Variants in PIP4K2A observed in about 807,000 individuals in gnomAD.
PIP4K2A encodes phosphatidylinositol 5-phosphate 4-kinase type-2 alpha.
A neutral mutation model predicts 42.9 loss-of-function variants in PIP4K2A; 14 were observed. The ratio of observed to expected loss-of-function variants is 0.33; its 90% confidence interval spans 0.22 to 0.51. The LOEUF (loss-of-function observed/expected upper bound fraction) is 0.51, where lower values mean the gene tolerates loss of function less well. Among genes scored for constraint, PIP4K2A ranks in the 20% least tolerant of loss-of-function variants. The pLI, the probability that PIP4K2A is intolerant of heterozygous loss-of-function variation, is 0.97. For synonymous variants in PIP4K2A, 192 were observed against 192.2 expected, an observed-to-expected ratio of 1.00 and a Z score of 0.01; for missense variants, 434 against 519.8, an observed-to-expected ratio of 0.83 and a Z score of 1.61.
chr10:22,662,536 C>T (rs1839222583), intron 1 of PIP4K2A, among the ~76,000 whole-genome samples: 1 of 152,158 alleles, frequency 6.6e-6, no homozygotes, highest in Admixed American at 6.5e-5. Flanking sequence ...TACTTGCCTT[C>T]AGTGTTCAGC....
chr10:22,565,208 C>T (rs1235181509), intron 6 of PIP4K2A, among the ~76,000 whole-genome samples: 7 of 152,164 alleles, frequency 4.6e-5, no homozygotes, highest in Admixed American at 4.6e-4. Context: ...AGGGAGGATT[C>T]CCACACTCTT....
Position 22,714,362 on chromosome 10 carries a change from C to A in PIP4K2A, c.-36G>T. On this transcript the variant is annotated 5_prime_UTR_variant, in exon 1 of 10. Transcript: ENST00000376573. ...TATGTCCCCTCCACCGCCGTGCTCC[C>A]GAGGCCGGGGACCCGCCCTCTCTAC... 6.7e-7 allele frequency: 1 copy of A among 1,494,090 alleles called. No individual in the cohort carries two copies. The highest frequency in any genetic ancestry group is 9.0e-7 in the Non-Finnish European group (1 of 1,115,524). The allele number at this position is 1,494,090 out of a possible 1,614,324, so 92.6% of individuals were successfully genotyped here.
At chr10:22,566,713 T>C (rs1222740525) in intron 6 of PIP4K2A, among the ~76,000 whole-genome samples, 1 of 152,176 alleles carries the variant, frequency 6.6e-6, no homozygotes, top group African/African-American at 2.4e-5. Context: ...CCTGCCGCTC[T>C]TCCTCTGACT....
intron 1 of PIP4K2A, among the ~76,000 whole-genome samples, chr10:22,624,384 T>C (rs544881369): frequency 6.6e-6 from 1 of 152,310 alleles, no homozygotes; most frequent in East Asian, 1.9e-4. Context: ...GAAACACCAG[T>C]CAATATTTGA....
intron 1 of PIP4K2A, among the ~76,000 whole-genome samples, chr10:22,640,319 G>A (rs1838754706): frequency 6.6e-6 from 1 of 152,082 alleles, no homozygotes; most frequent in African/African-American, 2.4e-5. Context: ...GTAGCACAAG[G>A]TACTATTTTG....
intron 4 of PIP4K2A, among the ~76,000 whole-genome samples, chr10:22,582,927 A>T (rs1837312153): frequency 6.7e-6 from 1 of 149,254 alleles, no homozygotes; most frequent in Non-Finnish European, 1.5e-5. Context: ...GGATGACTAC[A>T]TTTAAGCAAA....
intron 6 of PIP4K2A, among the ~76,000 whole-genome samples, chr10:22,559,136 T>A (rs960709397): frequency 4.6e-5 from 7 of 152,206 alleles, no homozygotes; most frequent in Non-Finnish European, 1.0e-4. Context: ...TGTCAAAGGC[T>A]GAACACTCAA....
intron 4 of PIP4K2A, among the ~76,000 whole-genome samples, chr10:22,590,804 A>C (rs1033437977): frequency 6.6e-6 from 1 of 152,166 alleles, no homozygotes; most frequent in African/African-American, 2.4e-5. Flanking sequence ...CAGGAGGTTG[A>C]GCATGCAGTG....
intron 1 of PIP4K2A, among the ~76,000 whole-genome samples, chr10:22,614,095 A>G (rs1838116993): frequency 6.6e-6 from 1 of 152,198 alleles, no homozygotes. Flanking sequence ...GCAGCCCTAC[A>G]TGGCCCTTGA....
chr10:22,580,219 A>T (rs544285087), intron 4 of PIP4K2A, among the ~76,000 whole-genome samples: 1 of 152,128 alleles, frequency 6.6e-6, no homozygotes, highest in South Asian at 2.1e-4. Context: ...AAGTGAGATT[A>T]GTGTAAACGT....
intron 1 of PIP4K2A, among the ~76,000 whole-genome samples, chr10:22,677,335 C>T (rs1193844926): frequency 6.6e-6 from 1 of 152,142 alleles, no homozygotes; most frequent in Non-Finnish European, 1.5e-5. Flanking sequence ...AACAGTGGCA[C>T]TTTCAAAGTG....
chr10:22,586,549 G>A (rs1483150726), intron 4 of PIP4K2A, among the ~76,000 whole-genome samples: 1 of 151,088 alleles, frequency 6.6e-6, no homozygotes, highest in Non-Finnish European at 1.5e-5. Flanking sequence ...TCTTTTTTTC[G>A]AAACGGAGTC....
At chr10:22,570,731 C>T (rs868443273) in intron 5 of PIP4K2A, among the ~76,000 whole-genome samples, 5 of 151,988 alleles carry the variant, frequency 3.3e-5, no homozygotes, top group South Asian at 4.2e-4. Context: ...CCTTTTTCAG[C>T]GTCTTGATAT....
Position 22,687,264 on chromosome 10 carries a change from C to T in PIP4K2A, c.144+26919G>A, listed in dbSNP as rs147351699. Among the ~76,000 whole-genome samples the T allele has an allele frequency of 4.2e-3, 643 of 152,016 alleles. 3 individuals are homozygous for T. Among genetic ancestry groups the T allele is most frequent in the African/African-American group, 0.015 (604 of 41,458 alleles). Reference sequence around the variant, plus strand: ...GGAGGACATTATGTTAAGTGAAATACGCCAGGCACAGAGAGAAAAATGTTG... The same window carrying T: ...GGAGGACATTATGTTAAGTGAAATATGCCAGGCACAGAGAGAAAAATGTTG... On this transcript the variant is annotated intron_variant, in intron 1 of 9. Coordinates refer to ENST00000376573, the MANE Select transcript of PIP4K2A (RefSeq NM_005028.5).
intron 1 of PIP4K2A, among the ~76,000 whole-genome samples, chr10:22,631,196 A>G (rs1004939615): frequency 2.0e-5 from 3 of 152,222 alleles, no homozygotes; most frequent in African/African-American, 7.2e-5. Flanking sequence ...GTAAATAGTG[A>G]TAATAACAGA....
Position 22,537,242 on chromosome 10 carries a change from A to C in PIP4K2A, c.1180T>G (p.Ser394Ala). ...EISTVNPEQY[S>A]KRFLDFIGHI... ...CCAATAAAGTCCAAAAAGCGCTTTG[A>C]ATACTGTTCTGGGTTCACGGTGGAG... is the stretch of plus-strand genomic sequence containing the variant. Residue 394 changes from serine to alanine, a missense_variant, in exon 10 of 10, where the codon TCA becomes GCA. Ser to Ala is a moderately conservative substitution (Grantham distance 99, BLOSUM62 1). Transcript: ENST00000376573. 2 of 1,607,242 alleles carry C rather than the reference A, an allele frequency of 1.2e-6. No homozygotes were observed. Among genetic ancestry groups the C allele is most frequent in the Non-Finnish European group, 1.7e-6 (2 of 1,176,056 alleles).
intron 4 of PIP4K2A, among the ~76,000 whole-genome samples, chr10:22,584,812 A>C (rs1837356209): frequency 6.6e-6 from 1 of 152,232 alleles, no homozygotes; most frequent in South Asian, 2.1e-4. Context: ...TCTGATACTT[A>C]CACAGGACTG....
chr10:22,639,359 TA>T (rs35329002), intron 1 of PIP4K2A, among the ~76,000 whole-genome samples: 325 of 135,580 alleles, frequency 2.4e-3, no homozygotes, highest in Middle Eastern at 3.8e-3. Flanking sequence ...CAAAAGAAGC[TA>T]AAAAAAAAAA....
intron 1 of PIP4K2A, among the ~76,000 whole-genome samples, chr10:22,623,546 G>A (rs548922213): frequency 5.4e-4 from 82 of 151,482 alleles, no homozygotes; most frequent in Middle Eastern, 6.8e-3. Flanking sequence ...CAATGTGAGC[G>A]TCATGAGCTG....
Sources: gnomAD v4.1 joint callset for allele counts (sites outside exome capture counted in the v4.1 genomes callset) on GRCh38, gnomAD v4.1.1 for gene constraint, MANE v1.5 for transcripts, NCBI Gene and HGNC (gene_info 2026-07-23, HGNC 2026-07-21) for gene names.